Variants in TRABD2B observed in about 807,000 individuals in gnomAD.
TRABD2B encodes TraB domain containing 2B, also known as metalloprotease TIKI2.
In TRABD2B, 14 loss-of-function variants were observed where a neutral mutation model predicts 40.1. The observed-to-expected ratio is 0.35, with a 90% CI of 0.23 to 0.55. The LOEUF (loss-of-function observed/expected upper bound fraction) is 0.55. TRABD2B is among the 20% of genes least tolerant of loss of function. TRABD2B has a pLI of 0.90. For missense variants in TRABD2B, 541 were observed against 648.6 expected, an observed-to-expected ratio of 0.83 and a Z score of 1.80; for synonymous variants, 263 against 277.0, an observed-to-expected ratio of 0.95 and a Z score of 0.50.
At chr1:47,784,375 T>C (rs1345294772) in intron 4 of TRABD2B, among the ~76,000 whole-genome samples, 1 of 152,108 alleles carries the variant, frequency 6.6e-6, no homozygotes, top group Non-Finnish European at 1.5e-5. Context: ...TCAGCAAGAA[T>C]AACACACAAT....
intron 2 of TRABD2B, among the ~76,000 whole-genome samples, chr1:47,815,902 G>T (rs547151331): frequency 6.6e-6 from 1 of 152,142 alleles, no homozygotes; most frequent in Non-Finnish European, 1.5e-5. Context: ...CAGCCATCAA[G>T]AGACCCAACC....
At chr1:47,861,366 AC>A (rs1433159213) in intron 2 of TRABD2B, among the ~76,000 whole-genome samples, 1 of 151,984 alleles carries the variant, frequency 6.6e-6, no homozygotes, top group African/African-American at 2.4e-5. Flanking sequence ...ACATGACAGC[AC>A]CCCCCACCCT....
intron 2 of TRABD2B, among the ~76,000 whole-genome samples, chr1:47,904,573 G>T (rs117731520): frequency 0.01 from 1,542 of 152,154 alleles, 66 homozygotes; most frequent in Admixed American, 0.08. Flanking sequence ...CTTGCGAAAA[G>T]CCCCAGGGTC....
At chr1:47,911,924 G>A (rs1019814158) in intron 2 of TRABD2B, among the ~76,000 whole-genome samples, 4 of 152,242 alleles carry the variant, frequency 2.6e-5, no homozygotes, top group South Asian at 2.1e-4. Flanking sequence ...TGGGTGCCCC[G>A]TGCTCTGTGC....
intron 2 of TRABD2B, among the ~76,000 whole-genome samples, chr1:47,823,392 G>A (rs953790414): frequency 1.3e-5 from 2 of 152,242 alleles, no homozygotes; most frequent in Non-Finnish European, 2.9e-5. Context: ...AAGAGGAGAG[G>A]CTTCAGAGCT....
At chr1:47,990,785 A>ATATATATATATATATT (rs1645995093) in intron 2 of TRABD2B, among the ~76,000 whole-genome samples, 1 of 10,560 alleles carries the variant, frequency 9.5e-5, no homozygotes, top group Non-Finnish European at 1.7e-4. Context: ...ATATATATAT[A>ATATATATATATATATT]TATATATATA....
intron 2 of TRABD2B, among the ~76,000 whole-genome samples, chr1:47,842,324 A>C (rs948625549): frequency 6.6e-6 from 1 of 151,904 alleles, no homozygotes; most frequent in Non-Finnish European, 1.5e-5. Context: ...TCGTTTGACC[A>C]CCCCCAGGGC....
chr1:47,856,375 C>T lies in TRABD2B; in HGVS notation c.667-54756G>A, dbSNP rs560309921. ...TGCTCAGTAAATATTAGTGAGTGAACGCATGAGAGTGTGAAGTGAAAATGA... is the reference window on the plus strand; with the variant it reads ...TGCTCAGTAAATATTAGTGAGTGAATGCATGAGAGTGTGAAGTGAAAATGA... On this transcript the variant is annotated intron_variant, in intron 2 of 6. Transcript: ENST00000606738. Among the ~76,000 whole-genome samples the T allele has an allele frequency of 1.1e-3, 174 of 152,302 alleles. 1 individual carries two copies. Among genetic ancestry groups the T allele is most frequent in the Non-Finnish European group, 2.1e-3 (145 of 68,032 alleles).
chr1:47,869,534 T>C (rs1034199556), intron 2 of TRABD2B, among the ~76,000 whole-genome samples: 7 of 152,228 alleles, frequency 4.6e-5, no homozygotes, highest in Non-Finnish European at 1.0e-4. Flanking sequence ...TCTGGATATC[T>C]GCAGTCTCCC....
At chr1:47,841,230 A>G (rs1283978722) in intron 2 of TRABD2B, among the ~76,000 whole-genome samples, 2 of 152,192 alleles carry the variant, frequency 1.3e-5, no homozygotes, top group African/African-American at 4.8e-5. Context: ...GTTTTGCTGT[A>G]GGGCCTTTGG....
chr1:47,929,763 T>C (rs1645015426), intron 2 of TRABD2B, among the ~76,000 whole-genome samples: 1 of 152,166 alleles, frequency 6.6e-6, no homozygotes, highest in African/African-American at 2.4e-5. Flanking sequence ...GCTGTAACGA[T>C]GGGCAATGCA....
At chr1:47,941,963 T>C (rs1645194609) in intron 2 of TRABD2B, among the ~76,000 whole-genome samples, 1 of 152,244 alleles carries the variant, frequency 6.6e-6, no homozygotes, top group African/African-American at 2.4e-5. Context: ...TAAATGTTAG[T>C]CAATGGAATA....
chr1:47,874,422 G>A (rs1215844441), intron 2 of TRABD2B, among the ~76,000 whole-genome samples: 49 of 149,678 alleles, frequency 3.3e-4, no homozygotes, highest in African/African-American at 1.2e-3. Context: ...ACAGGCGCCC[G>A]CCACCGCGCC....
chr1:47,866,602 C>T (rs1644061353), intron 2 of TRABD2B, among the ~76,000 whole-genome samples: 1 of 152,182 alleles, frequency 6.6e-6, no homozygotes, highest in African/African-American at 2.4e-5. Flanking sequence ...CCAGCACAAA[C>T]TTCCCAAACC....
At chr1:47,974,126 A>C (rs989359883) in intron 2 of TRABD2B, among the ~76,000 whole-genome samples, 4 of 152,126 alleles carry the variant, frequency 2.6e-5, no homozygotes, top group Non-Finnish European at 5.9e-5. Flanking sequence ...TCCAAAAAGT[A>C]AATTAGATCA....
intron 2 of TRABD2B, among the ~76,000 whole-genome samples, chr1:47,917,632 G>T (rs890013113): frequency 1.3e-5 from 2 of 152,140 alleles, no homozygotes; most frequent in African/African-American, 4.8e-5. Context: ...TACTTGGGAG[G>T]CTGAGGTGGG....
chr1:47,848,382 A>T (rs1203841788), intron 2 of TRABD2B, among the ~76,000 whole-genome samples: 1 of 152,078 alleles, frequency 6.6e-6, no homozygotes, highest in Non-Finnish European at 1.5e-5. Flanking sequence ...GACCAAGATT[A>T]CGGCTCAGGC....
At chr1:47,850,131 T>A (rs1052649493) in intron 2 of TRABD2B, among the ~76,000 whole-genome samples, 1 of 152,200 alleles carries the variant, frequency 6.6e-6, no homozygotes, top group Non-Finnish European at 1.5e-5. Context: ...GGGGCCTGCA[T>A]AGGAGGTGTG....
intron 2 of TRABD2B, among the ~76,000 whole-genome samples, chr1:47,901,890 A>T (rs1013943901): frequency 6.6e-6 from 1 of 152,056 alleles, no homozygotes; most frequent in African/African-American, 2.4e-5. Flanking sequence ...CTCACAGAGG[A>T]GGTGACATTG....
Sources: allele counts gnomAD v4.1 joint callset (sites outside exome capture counted in the v4.1 genomes callset), GRCh38; gene constraint gnomAD v4.1.1; transcripts MANE v1.5; gene names NCBI Gene and HGNC (gene_info 2026-07-23, HGNC 2026-07-21).